The following DDAH1 variants were observed in gnomAD, a reference collection of about 807,000 sequenced individuals.
DDAH1 encodes dimethylarginine dimethylaminohydrolase 1.
DDAH1 carries 19 observed loss-of-function variants against 28.8 expected under a neutral mutation model. The ratio of observed to expected loss-of-function variants is 0.66; its 90% confidence interval spans 0.46 to 0.97. The LOEUF is 0.97. Among genes scored for constraint, DDAH1 ranks in the 50% least tolerant of loss-of-function variants. The probability of loss-of-function intolerance (pLI) is 0.00; values close to 1 mark genes in which losing one functional copy is unlikely to be tolerated. For synonymous variants in DDAH1, 153 were observed against 154.4 expected, an observed-to-expected ratio of 0.99 and a Z score of 0.07; for missense variants, 326 against 375.9, an observed-to-expected ratio of 0.87 and a Z score of 1.10.
chr1:85,435,970 G>T (rs2420312), intron 1 of DDAH1, among the ~76,000 whole-genome samples: 12,802 of 105,926 alleles, frequency 0.12, 602 homozygotes, highest in Middle Eastern at 0.18. Context: ...TTGTGTGTGT[G>T]TGTGTGTGTG....
At chr1:85,555,389 G>A (rs72944610) in intron 1 of DDAH1, among the ~76,000 whole-genome samples, 2 of 152,100 alleles carry the variant, frequency 1.3e-5, no homozygotes, top group Admixed American at 6.5e-5. Flanking sequence ...GGAAGGTTAC[G>A]GGATTCATCC....
intron 1 of DDAH1, among the ~76,000 whole-genome samples, chr1:85,501,334 C>G (rs1656811743): frequency 1.3e-5 from 2 of 152,130 alleles, no homozygotes; most frequent in South Asian, 4.2e-4. Context: ...ACTGAAAACC[C>G]CAGGGAATCA....
At chr1:85,455,591 A>G (rs906746861) in intron 1 of DDAH1, among the ~76,000 whole-genome samples, 1 of 152,224 alleles carries the variant, frequency 6.6e-6, no homozygotes, top group Non-Finnish European at 1.5e-5. Flanking sequence ...GGGTAAGTCA[A>G]GACTTAGTTA....
At chr1:85,478,886 G>A (rs189668670) in intron 2 of DDAH1, among the ~76,000 whole-genome samples, 55 of 152,236 alleles carry the variant, frequency 3.6e-4, no homozygotes, top group African/African-American at 1.3e-3. Flanking sequence ...TATTATGGGG[G>A]ATAGTCTAAA....
intron 1 of DDAH1, among the ~76,000 whole-genome samples, chr1:85,546,387 T>C (rs1048469533): frequency 2.6e-4 from 40 of 152,174 alleles, no homozygotes; most frequent in Non-Finnish European, 5.0e-4. Context: ...TCGGTATTGA[T>C]ATTGAAATTC....
intron 1 of DDAH1, among the ~76,000 whole-genome samples, chr1:85,402,038 T>G (rs1652135353): frequency 6.6e-6 from 1 of 152,144 alleles, no homozygotes; most frequent in South Asian, 2.1e-4. Context: ...CAGGCTAGAG[T>G]GCAGTGCTGC....
At chr1:85,566,735 C>T (rs1659316342) in intron 1 of DDAH1, among the ~76,000 whole-genome samples, 2 of 152,014 alleles carry the variant, frequency 1.3e-5, no homozygotes, top group Non-Finnish European at 2.9e-5. Context: ...TTATGGTTCT[C>T]CAAAAGAAAC....
At chr1:85,422,668 T>C (rs929449647) in intron 1 of DDAH1, among the ~76,000 whole-genome samples, 2 of 152,172 alleles carry the variant, frequency 1.3e-5, no homozygotes, top group African/African-American at 4.8e-5. Context: ...TGCCACTGAG[T>C]GGTGCTATGG....
intron 1 of DDAH1, among the ~76,000 whole-genome samples, chr1:85,538,372 G>A (rs2100782157): frequency 6.6e-6 from 1 of 152,310 alleles, no homozygotes; most frequent in East Asian, 1.9e-4. Context: ...AGAGGTGGCA[G>A]CACCTTTTCC....
intron 1 of DDAH1, among the ~76,000 whole-genome samples, chr1:85,421,025 G>A (rs1439179793): frequency 6.6e-6 from 1 of 152,068 alleles, no homozygotes; most frequent in Non-Finnish European, 1.5e-5. Flanking sequence ...AAGAGAGAAG[G>A]AGCAAAAGAG....
At chr1:85,406,704 C>T (rs895272193) in intron 1 of DDAH1, among the ~76,000 whole-genome samples, 1 of 152,024 alleles carries the variant, frequency 6.6e-6, no homozygotes, top group Non-Finnish European at 1.5e-5. Flanking sequence ...GTGGTGAGAA[C>T]ACGTAAAAAT....
At chr1:85,398,273 T>C (rs1003364349) in intron 1 of DDAH1, among the ~76,000 whole-genome samples, 4 of 152,252 alleles carry the variant, frequency 2.6e-5, no homozygotes, top group Non-Finnish European at 4.4e-5. Flanking sequence ...TTATTCTTGC[T>C]GTACTTATAT....
intron 1 of DDAH1, among the ~76,000 whole-genome samples, chr1:85,413,214 G>C (rs779441780): frequency 1.5e-4 from 23 of 152,296 alleles, no homozygotes; most frequent in Non-Finnish European, 2.9e-4. Context: ...TAAGTGGAAA[G>C]TAAAGGAAAT....
intron 1 of DDAH1, among the ~76,000 whole-genome samples, chr1:85,408,931 C>T (rs6657817): frequency 0.66 from 99,467 of 151,812 alleles, 32,721 homozygotes; most frequent in East Asian, 0.71. Context: ...AGAACACACA[C>T]GGTTCCTGCC....
At chr1:85,454,306 C>T (rs1026992327) in intron 1 of DDAH1, among the ~76,000 whole-genome samples, 2 of 152,202 alleles carry the variant, frequency 1.3e-5, no homozygotes, top group Non-Finnish European at 2.9e-5. Context: ...ATCACACCTA[C>T]CAGGCCACAT....
Position 85,464,486 on chromosome 1 carries a change from G to C in DDAH1, c.303+257C>G. 3 of 1,457,782 alleles carry C rather than the reference G, an allele frequency of 2.1e-6. No homozygotes were observed. Among genetic ancestry groups the C allele is most frequent in the Non-Finnish European group, 2.7e-6 (3 of 1,096,578 alleles). The allele number at this position is 1,457,782 out of a possible 1,614,324, so 90.3% of individuals were successfully genotyped here. A position where few individuals can be genotyped will look rare whatever the true frequency, so the allele number is the denominator to read the frequency against. On this transcript the variant is annotated intron_variant, in intron 1 of 5. Coordinates refer to ENST00000284031, the MANE Select transcript of DDAH1 (RefSeq NM_012137.4). The surrounding 1 kb of genome is among the most constrained non-coding windows in gnomAD (Gnocchi z 4.4). The stretch of plus-strand genomic sequence containing the variant: ...AAATGCCCGTGAGACGGAATCCCCC[G>C]CCCACCCACCTGCCCGAGACCGTAC...
intron 1 of DDAH1, among the ~76,000 whole-genome samples, chr1:85,573,607 A>T (rs904073886): frequency 6.6e-6 from 1 of 152,202 alleles, no homozygotes; most frequent in Non-Finnish European, 1.5e-5. Flanking sequence ...AACAGATAAG[A>T]GTTCCCACGG....
intron 1 of DDAH1, among the ~76,000 whole-genome samples, chr1:85,550,356 C>A (rs528013867): frequency 6.6e-6 from 1 of 152,148 alleles, no homozygotes; most frequent in Non-Finnish European, 1.5e-5. Context: ...GTCAATGGAG[C>A]AGCGGTAGCA....
chr1:85,383,430 G>A (rs1557557227), intron 1 of DDAH1, among the ~76,000 whole-genome samples: 3 of 152,148 alleles, frequency 2.0e-5, no homozygotes, highest in Non-Finnish European at 4.4e-5. Flanking sequence ...CTTATGGATG[G>A]GCAAAGAAAG....
Sources: gnomAD v4.1 joint callset for allele counts (sites outside exome capture counted in the v4.1 genomes callset) on GRCh38, gnomAD v4.1.1 for gene constraint, Gnocchi (gnomAD v3.1) non-coding constraint, MANE v1.5 for transcripts, NCBI Gene and HGNC (gene_info 2026-07-23, HGNC 2026-07-21) for gene names.